Variants in OOSP4B observed in about 807,000 individuals in gnomAD.
OOSP4B encodes oocyte-secreted protein 4B.
At chr11:60,022,993 A>G (rs1189479678) in intron 1 of OOSP4B, among the ~76,000 whole-genome samples, 1 of 152,230 alleles carries the variant, frequency 6.6e-6, no homozygotes, top group Non-Finnish European at 1.5e-5. Context: ...AGTGTCTTAT[A>G]TAAAGACCAT....
chr11:60,020,554 G>C (rs77118728), intron 1 of OOSP4B, among the ~76,000 whole-genome samples: 29,759 of 152,198 alleles, frequency 0.2, 3,549 homozygotes, highest in Admixed American at 0.37. Context: ...ACTTGCGCTG[G>C]CCTGCAAGCA....
chr11:60,029,905 A>T, exon 4 of OOSP4B: 1 of 398,452 alleles, frequency 2.5e-6, no homozygotes, highest in Non-Finnish European at 4.4e-6. Context: ...AAACATGGAC[A>T]CTTAATTTTA....
At chr11:60,022,451 T>C (rs897916048) in intron 1 of OOSP4B, 1 of 152,072 alleles carries the variant, frequency 6.6e-6, no homozygotes, top group Non-Finnish European at 1.5e-5. Flanking sequence ...GGAAAATGGT[T>C]TCTCAAAATT....
intron 1 of OOSP4B, among the ~76,000 whole-genome samples, chr11:60,023,679 C>A (rs1346412498): frequency 6.6e-6 from 1 of 152,200 alleles, no homozygotes. Context: ...GGTGATCCAC[C>A]TGCCTCGGCC....
intron 1 of OOSP4B, among the ~76,000 whole-genome samples, chr11:60,020,591 C>T (rs1182618699): frequency 2.0e-5 from 3 of 152,182 alleles, no homozygotes; most frequent in Admixed American, 6.5e-5. Flanking sequence ...TTCCCGCCGG[C>T]GCCTCTCCCT....
intron 3 of OOSP4B, among the ~76,000 whole-genome samples, chr11:60,026,818 T>C (rs890734472): frequency 2.6e-5 from 4 of 152,218 alleles, no homozygotes; most frequent in African/African-American, 9.6e-5. Flanking sequence ...AGTAGCAGCA[T>C]GTGGTTAGTG....
intron 1 of OOSP4B, among the ~76,000 whole-genome samples, chr11:60,020,315 G>A (rs1194555164): frequency 6.6e-6 from 1 of 152,152 alleles, no homozygotes; most frequent in South Asian, 2.1e-4. Flanking sequence ...GGGGGCCCCC[G>A]CTTGTTGGGG....
At chr11:60,021,545 T>C (rs1345267059) in intron 1 of OOSP4B, 1 of 152,246 alleles carries the variant, frequency 6.6e-6, no homozygotes, top group Non-Finnish European at 1.5e-5. Context: ...CCTAGATCAC[T>C]GTCTGATTGG....
At chr11:60,018,032 A>C (rs1854643646) in intron 1 of OOSP4B, among the ~76,000 whole-genome samples, 1 of 152,156 alleles carries the variant, frequency 6.6e-6, no homozygotes, top group Non-Finnish European at 1.5e-5. Context: ...GCCAGGAAAA[A>C]ATTACTAGGA....
intron 1 of OOSP4B, chr11:60,021,537 T>C (rs1854690484): frequency 6.6e-6 from 1 of 152,250 alleles, no homozygotes. Flanking sequence ...ACTGATGGCC[T>C]AGATCACTGT....
At chr11:60,023,927 A>T (rs1854719842) in exon 2 of OOSP4B, 1 of 398,460 alleles carries the variant, frequency 2.5e-6, no homozygotes, top group South Asian at 1.3e-4. Flanking sequence ...CAGAATGAAA[A>T]TAAGGCCTTT....
intron 1 of OOSP4B, among the ~76,000 whole-genome samples, chr11:60,019,289 A>AG (rs1182746829): frequency 6.6e-6 from 1 of 152,188 alleles, no homozygotes; most frequent in African/African-American, 2.4e-5. Flanking sequence ...CTAGGCAAGA[A>AG]GATCGCTTGA....
intron 4 of OOSP4B, among the ~76,000 whole-genome samples, chr11:60,030,297 A>C (rs1854794045): frequency 6.6e-6 from 1 of 152,222 alleles, no homozygotes; most frequent in Admixed American, 6.5e-5. Context: ...ATGTGTATAA[A>C]ATAAGTAGGC....
chr11:60,017,638 C>T (rs184908128), intron 1 of OOSP4B, among the ~76,000 whole-genome samples: 1 of 152,232 alleles, frequency 6.6e-6, no homozygotes, highest in African/African-American at 2.4e-5. Context: ...TTTCTGGTCA[C>T]ATAAACTGTG....
intron 4 of OOSP4B, among the ~76,000 whole-genome samples, chr11:60,030,559 A>G (rs960290907): frequency 2.0e-5 from 3 of 152,228 alleles, no homozygotes; most frequent in African/African-American, 7.2e-5. Context: ...TAATTACTTG[A>G]TAGTCTCAGA....
intron 2 of OOSP4B, 132 bp from the exon 3 acceptor site, chr11:60,024,776 T>C (rs1854729556): frequency 7.6e-6 from 3 of 393,442 alleles, no homozygotes; most frequent in South Asian, 1.4e-4. Flanking sequence ...TCTCATGAGG[T>C]CTACTATTTT....
intron 1 of OOSP4B, among the ~76,000 whole-genome samples, chr11:60,018,778 C>A (rs997897720): frequency 6.6e-6 from 1 of 152,114 alleles, no homozygotes; most frequent in South Asian, 2.1e-4. Flanking sequence ...GCCTTAATGT[C>A]TTTTTTGTAT....
chr11:60,027,670 A>AAAAAAAAAAAC (rs1854757981), intron 3 of OOSP4B, among the ~76,000 whole-genome samples: 1 of 148,980 alleles, frequency 6.7e-6, no homozygotes, highest in Non-Finnish European at 1.5e-5. Context: ...AAAAAAAAAA[A>AAAAAAAAAAAC]AAAAAAAAAA....
intron 4 of OOSP4B, among the ~76,000 whole-genome samples, chr11:60,030,367 T>G (rs77994672): frequency 6.6e-6 from 1 of 152,346 alleles, no homozygotes; most frequent in African/African-American, 2.4e-5. Context: ...GCACTTTTCC[T>G]AAGATTAATA....
Sources: gnomAD v4.1 joint callset for allele counts (sites outside exome capture counted in the v4.1 genomes callset) on GRCh38, gnomAD v4.1.1 for gene constraint, MANE v1.5 for transcripts, NCBI Gene and HGNC (gene_info 2026-07-23, HGNC 2026-07-21) for gene names.